The following PPM1B variants were observed in gnomAD, a reference collection of about 807,000 sequenced individuals.
PPM1B encodes the protein protein phosphatase, Mg2+/Mn2+ dependent 1B, also known as protein phosphatase 1B.
Under a neutral mutation model 43.0 loss-of-function variants are expected in PPM1B, and 22 were observed. The ratio of observed to expected loss-of-function variants is 0.51; its 90% CI spans 0.37 to 0.73. The LOEUF is 0.73. Among genes scored for constraint, PPM1B ranks in the 30% least tolerant of loss-of-function variants. The pLI, the probability that PPM1B is intolerant of heterozygous loss-of-function variation, is 0.00. For synonymous variants in PPM1B, 217 were observed against 197.9 expected (o/e 1.10, Z -0.81); for missense variants, 632 against 584.2 (o/e 1.08, Z -0.84).
At chr2:44,218,879 C>T (rs374642609) in intron 5 of PPM1B, 5 of 465,110 alleles carry the variant, frequency 1.1e-5, no homozygotes, top group African/African-American at 9.9e-5. Context: ...TCAATTTCTC[C>T]TCCAGCAGGC....
intron 1 of PPM1B, among the ~76,000 whole-genome samples, chr2:44,178,950 G>A (rs1459370930): frequency 1.3e-5 from 2 of 152,036 alleles, no homozygotes; most frequent in Non-Finnish European, 2.9e-5. Context: ...TAGATATTTT[G>A]CATTCTTTTA....
intron 1 of PPM1B, among the ~76,000 whole-genome samples, chr2:44,190,304 G>C (rs141317795): frequency 6.6e-6 from 1 of 151,774 alleles, no homozygotes; most frequent in Non-Finnish European, 1.5e-5. Context: ...ATAGGTGCCC[G>C]CCACCACATC....
chr2:44,179,522 G>A (rs1340655122), intron 1 of PPM1B, among the ~76,000 whole-genome samples: 1 of 151,686 alleles, frequency 6.6e-6, no homozygotes, highest in Non-Finnish European at 1.5e-5. Flanking sequence ...AGAGAGAAAT[G>A]GTGTTTTATT....
downstream of PPM1B, among the ~76,000 whole-genome samples, chr2:44,231,879 G>T (rs554648789): frequency 6.6e-6 from 1 of 152,088 alleles, no homozygotes; most frequent in Non-Finnish European, 1.5e-5. Flanking sequence ...TTAAATTATA[G>T]ATTTGTCACA....
intron 3 of PPM1B, among the ~76,000 whole-genome samples, chr2:44,214,468 G>A (rs1017384221): frequency 1.3e-5 from 2 of 151,842 alleles, no homozygotes; most frequent in African/African-American, 2.4e-5. Flanking sequence ...GGGGGTGGGG[G>A]GGGCATGGCA....
downstream of PPM1B, among the ~76,000 whole-genome samples, chr2:44,236,402 C>CAAAAAAAAAAAAAAAAAAAAAAAA (rs61414038): frequency 8.8e-4 from 42 of 47,532 alleles, 1 homozygote; most frequent in Admixed American, 1.4e-3. Context: ...GACTCCGTCT[C>CAAAAAAAAAAAAAAAAAAAAAAAA]AAAAAAAAAA....
At chr2:44,205,579 G>C (rs1250292840) in intron 2 of PPM1B, among the ~76,000 whole-genome samples, 1 of 151,982 alleles carries the variant, frequency 6.6e-6, no homozygotes, top group East Asian at 1.9e-4. Flanking sequence ...GGTTCTCTGT[G>C]ATTATTGATA....
intron 1 of PPM1B, among the ~76,000 whole-genome samples, chr2:44,194,036 G>A (rs1572704841): frequency 1.3e-5 from 2 of 151,976 alleles, no homozygotes; most frequent in Admixed American, 6.6e-5. Flanking sequence ...TTATTTGTTT[G>A]TTTGTTTGTT....
chr2:44,245,624 C>G (rs1670840865), downstream of PPM1B, among the ~76,000 whole-genome samples: 1 of 152,160 alleles, frequency 6.6e-6, no homozygotes, highest in African/African-American at 2.4e-5. Flanking sequence ...AAACCACCTG[C>G]CTTCTTAATT....
intron 5 of PPM1B, chr2:44,218,811 C>A (rs1286504099): frequency 4.3e-6 from 2 of 460,102 alleles, no homozygotes; most frequent in East Asian, 1.2e-4. Flanking sequence ...TATATGTCTG[C>A]TTTTCCTTCT....
At chr2:44,234,650 C>A, downstream of PPM1B, 1 of 979,776 alleles carries the variant, frequency 1.0e-6, no homozygotes, top group Non-Finnish European at 1.2e-6. Flanking sequence ...ATCTGAATTT[C>A]CTAGCCTGGC....
intron 1 of PPM1B, among the ~76,000 whole-genome samples, chr2:44,179,695 A>G (rs1007926667): frequency 1.3e-5 from 2 of 152,174 alleles, no homozygotes; most frequent in Non-Finnish European, 2.9e-5. Flanking sequence ...GTGTGTCTAT[A>G]AAATGATGGT....
chr2:44,205,170 AGT>A (rs1491302833), intron 2 of PPM1B, among the ~76,000 whole-genome samples: 90 of 152,338 alleles, frequency 5.9e-4, no homozygotes, highest in South Asian at 5.2e-3. Flanking sequence ...CAAAATAAAA[AGT>A]TTTTTTAATT....
downstream of PPM1B, chr2:44,231,586 G>T (rs1670471387): frequency 1.9e-6 from 1 of 512,858 alleles, no homozygotes; most frequent in Non-Finnish European, 2.5e-6. Context: ...AACACTTTTG[G>T]CTTACCTTTT....
intron 5 of PPM1B, among the ~76,000 whole-genome samples, chr2:44,226,076 C>T (rs1354900205): frequency 6.7e-6 from 1 of 150,110 alleles, no homozygotes; most frequent in Non-Finnish European, 1.5e-5. Context: ...CCCAGGTTCA[C>T]GCCATTCTCC....
At chr2:44,189,830 C>G (rs1296800981) in intron 1 of PPM1B, among the ~76,000 whole-genome samples, 1 of 152,178 alleles carries the variant, frequency 6.6e-6, no homozygotes, top group African/African-American at 2.4e-5. Flanking sequence ...GATATCTCTA[C>G]CCATTGATGG....
downstream of PPM1B, chr2:44,232,430 A>G: frequency 1.9e-6 from 3 of 1,579,478 alleles, no homozygotes; most frequent in Admixed American, 2.0e-5. Flanking sequence ...ACAAGGGGAA[A>G]ATATTCTTGC....
chr2:44,175,166 A>G (rs559620480), intron 1 of PPM1B, among the ~76,000 whole-genome samples: 1 of 152,294 alleles, frequency 6.6e-6, no homozygotes, highest in African/African-American at 2.4e-5. Flanking sequence ...AGACAGGAGA[A>G]TCGCTTGAAC....
intron 1 of PPM1B, among the ~76,000 whole-genome samples, chr2:44,170,711 TAGTG>T (rs1333179825): frequency 6.6e-6 from 1 of 152,234 alleles, no homozygotes; most frequent in Non-Finnish European, 1.5e-5. Flanking sequence ...TCTAAGTAAA[TAGTG>T]AGACAAGTTA....
Sources: gnomAD v4.1 joint callset for allele counts (sites outside exome capture counted in the v4.1 genomes callset) on GRCh38, gnomAD v4.1.1 for gene constraint, MANE v1.5 for transcripts, NCBI Gene and HGNC (gene_info 2026-07-23, HGNC 2026-07-21) for gene names.